Variants in WASL observed in about 807,000 individuals in gnomAD.
The protein encoded by WASL is WASP like actin nucleation promoting factor, also known as actin nucleation-promoting factor WASL.
WASL carries 20 observed loss-of-function variants against 55.5 expected under a neutral mutation model. The ratio of observed to expected loss-of-function variants is 0.36; its 90% CI spans 0.25 to 0.52. The LOEUF (loss-of-function observed/expected upper bound fraction) is 0.52, where lower values mean the gene tolerates loss of function less well. WASL is among the 20% of genes least tolerant of loss of function. The pLI, the probability that WASL is intolerant of heterozygous loss-of-function variation, is 0.92. For synonymous variants in WASL, 249 were observed against 217.6 expected (o/e 1.14, Z -1.27); for missense variants, 504 against 622.5 (o/e 0.81, Z 2.03).
rs1003580470 is a variant in WASL, at chr7:123,684,377, A to C, written c.*142T>G. Reference sequence around the variant, plus strand: ...TTACAGATTAAATGAGGTATTGCACAGATTAAAAAAAAGCAAAAAAGGCAA... The same window carrying C: ...TTACAGATTAAATGAGGTATTGCACCGATTAAAAAAAAGCAAAAAAGGCAA... On this transcript the variant is annotated 3_prime_UTR_variant, in exon 11 of 11. Coordinates refer to ENST00000223023, the MANE Select transcript of WASL (RefSeq NM_003941.4). The C allele has an allele frequency of 8.7e-6, 3 of 343,794 alleles. No homozygotes were observed. Among genetic ancestry groups the C allele is most frequent in the Non-Finnish European group, 1.6e-5 (3 of 184,416 alleles). 21.3% of individuals were successfully genotyped at this position (343,794 alleles called of 1,614,324 possible). A position where few individuals can be genotyped will look rare whatever the true frequency, so the allele number is the denominator to read the frequency against.
chr7:123,687,889 TTACA>T (rs1033232056), intron 10 of WASL, among the ~76,000 whole-genome samples: 4 of 152,172 alleles, frequency 2.6e-5, no homozygotes, highest in Admixed American at 2.6e-4. Flanking sequence ...ATGGACATCC[TTACA>T]GAGAAACAAA....
At chr7:123,688,155 A>G (rs1310955631) in intron 10 of WASL, among the ~76,000 whole-genome samples, 1 of 152,174 alleles carries the variant, frequency 6.6e-6, no homozygotes, top group Non-Finnish European at 1.5e-5. Flanking sequence ...CTTTAAAGGA[A>G]TATTTATATG....
chr7:123,738,757 CT>C (rs144348257), intron 1 of WASL, among the ~76,000 whole-genome samples: 14 of 151,622 alleles, frequency 9.2e-5, no homozygotes, highest in African/African-American at 3.4e-4. Context: ...GGACTTAGTC[CT>C]TTTTTTTGCT....
At position 123,685,044 on chromosome 7, in the gene WASL, T is replaced by C. The variant is rs898852282; in HGVS notation, c.1457-464A>G. 7.9e-5 allele frequency among the ~76,000 whole-genome samples: 12 copies of C among 151,990 alleles called. 1 individual carries two copies. Among genetic ancestry groups the C allele is most frequent in the Admixed American group, 5.9e-4 (9 of 15,238 alleles). On this transcript the variant is annotated intron_variant, in intron 10 of 10. Transcript: ENST00000223023. ...CAGGCCAAAAACCTAGAAATTATTA[T>C]TACTTCCTCCTTTTTCACGATCCAA...
chr7:123,725,947 G>A lies in WASL; in HGVS notation c.118-16724C>T, dbSNP rs180799728. Among the ~76,000 whole-genome samples the A allele has an allele frequency of 1.3e-4, 20 of 152,242 alleles. No individual in the cohort carries two copies. The East Asian group carries it at 3.9e-3, about 29-fold the overall frequency. On this transcript the variant is annotated intron_variant, in intron 1 of 10. Transcript: ENST00000223023. ...GTTAATTTTGGTCACAAGAAAAGAA[G>A]ATAAACAGATCAGTGTTTTAAGCAA...
intron 2 of WASL, among the ~76,000 whole-genome samples, chr7:123,708,805 G>C (rs1803711466): frequency 6.7e-6 from 1 of 149,242 alleles, no homozygotes; most frequent in Non-Finnish European, 1.5e-5. Context: ...AGAGTGTAAA[G>C]AAAGCCCAAG....
At chr7:123,692,214 T>C in intron 9 of WASL, 133 bp downstream of exon 9, 1 of 1,286,030 alleles carries the variant, frequency 7.8e-7, no homozygotes, top group Non-Finnish European at 1.0e-6. Context: ...AAAGTATTTT[T>C]AAATTTATAG....
chr7:123,720,050 T>C (rs948410089), intron 1 of WASL, among the ~76,000 whole-genome samples: 1 of 152,202 alleles, frequency 6.6e-6, no homozygotes, highest in Admixed American at 6.5e-5. Context: ...CTTATTTCTA[T>C]ACTCACCTAG....
At position 123,748,878 on chromosome 7, in the gene WASL, CGA is replaced by C. The variant is rs1804495714; in HGVS notation, c.-146_-145del. On this transcript the variant is annotated 5_prime_UTR_variant, in exon 1 of 11. Coordinates refer to ENST00000223023, the MANE Select transcript of WASL (RefSeq NM_003941.4). Reference sequence around the variant, plus strand: ...AGCTCCTCCGGAGCGGGGAGGAGGACGAGGTCGAGGGAAGCAGGCGCTGACGG... The same window carrying C: ...AGCTCCTCCGGAGCGGGGAGGAGGACGGTCGAGGGAAGCAGGCGCTGACGG... The C allele has an allele frequency of 2.9e-5, 19 of 663,576 alleles. No homozygotes were observed. The South Asian group carries it at 3.8e-4, about 13-fold the overall frequency. The allele number at this position is 663,576 out of a possible 1,614,324, so 41.1% of individuals were successfully genotyped here.
Position 123,684,052 on chromosome 7 carries a change from A to T in WASL, c.*467T>A, listed in dbSNP as rs1352746280. 1 of 152,142 alleles carries T rather than the reference A, an allele frequency of 6.6e-6. No individual in the cohort carries two copies. Among genetic ancestry groups the T allele is most frequent in the Non-Finnish European group, 1.5e-5 (1 of 68,020 alleles). The allele number at this position is 152,142 out of a possible 1,614,324, so 9.4% of individuals were successfully genotyped here. A position where few individuals can be genotyped will look rare whatever the true frequency, so the allele number is the denominator to read the frequency against. ...TGTATCAGCTTCAACATTCATATGT[A>T]GCATTGTATTCAAAATAAAGGGGCT... On this transcript the variant is annotated 3_prime_UTR_variant, in exon 11 of 11. Coordinates refer to ENST00000223023, the MANE Select transcript of WASL (RefSeq NM_003941.4).
chr7:123,726,063 G>T (rs534186899), intron 1 of WASL, among the ~76,000 whole-genome samples: 4 of 152,194 alleles, frequency 2.6e-5, no homozygotes, highest in South Asian at 4.1e-4. Flanking sequence ...TAATGTTACA[G>T]ACCAGTATTT....
chr7:123,704,806 A>AACAATACAT (rs1803642550), intron 4 of WASL, 149 bp from the exon 5 acceptor site: 1 of 475,914 alleles, frequency 2.1e-6, no homozygotes, highest in Non-Finnish European at 3.7e-6. Flanking sequence ...TTAAGTAGAG[A>AACAATACAT]TCTAAATAAA....
At chr7:123,743,792 T>C (rs1393465536) in intron 1 of WASL, among the ~76,000 whole-genome samples, 2 of 152,208 alleles carry the variant, frequency 1.3e-5, no homozygotes, top group Non-Finnish European at 2.9e-5. Flanking sequence ...AATCTAGACA[T>C]GAAGGCTGAG....
chr7:123,743,663 A>G (rs751948058), intron 1 of WASL, among the ~76,000 whole-genome samples: 1 of 152,226 alleles, frequency 6.6e-6, no homozygotes, highest in African/African-American at 2.4e-5. Context: ...AATAGTATTC[A>G]TAACAACTTT....
At position 123,747,920 on chromosome 7, in the gene WASL, G is replaced by C. The variant is rs1263912466; in HGVS notation, c.117+698C>G. ...CGGCCCCAAAAGCCAAGAGCTACCA[G>C]AGATTGAGGTTTCCCTGCGCATGGC... is the stretch of plus-strand genomic sequence containing the variant. On this transcript the variant is annotated intron_variant, in intron 1 of 10. Coordinates refer to ENST00000223023, the MANE Select transcript of WASL (RefSeq NM_003941.4). Among the ~76,000 whole-genome samples, 4 of 152,142 alleles carry C rather than the reference G, an allele frequency of 2.6e-5. No homozygotes were observed. The East Asian group carries it at 7.8e-4, about 30-fold the overall frequency.
At chr7:123,704,706 C>T (rs1803640990) in intron 4 of WASL, 49 bp from the exon 5 acceptor site, 2 of 1,223,988 alleles carry the variant, frequency 1.6e-6, no homozygotes. Context: ...TGTAAGACAA[C>T]ATCAACATAA....
At chr7:123,701,036 T>C (rs1803581187) in intron 5 of WASL, among the ~76,000 whole-genome samples, 1 of 152,164 alleles carries the variant, frequency 6.6e-6, no homozygotes, top group African/African-American at 2.4e-5. Flanking sequence ...AGAGCCAAAT[T>C]AAGTATCTGT....
rs571854044 is a variant in WASL, at chr7:123,709,515, C to T, written c.118-292G>A. Among the ~76,000 whole-genome samples the T allele has an allele frequency of 3.9e-5, 6 of 152,246 alleles. No individual in the cohort carries two copies. The South Asian group carries it at 8.3e-4, about 21-fold the overall frequency. The stretch of plus-strand genomic sequence containing the variant: ...TGTTAATCACTTTTAAATATAGCCT[C>T]ATTTGTTATTACTATGATAACTTCA... On this transcript the variant is annotated intron_variant, in intron 1 of 10. Transcript: ENST00000223023.
chr7:123,711,775 G>A (rs1201314674), intron 1 of WASL, among the ~76,000 whole-genome samples: 1 of 152,152 alleles, frequency 6.6e-6, no homozygotes, highest in Non-Finnish European at 1.5e-5. Context: ...TCGTAATTAA[G>A]AAGATATTAA....
Sources: allele counts gnomAD v4.1 joint callset (sites outside exome capture counted in the v4.1 genomes callset), GRCh38; gene constraint gnomAD v4.1.1; transcripts MANE v1.5; gene names NCBI Gene and HGNC (gene_info 2026-07-23, HGNC 2026-07-21).